The following DAB1 variants were observed in gnomAD, a reference collection of about 807,000 sequenced individuals.
The protein encoded by DAB1 is disabled homolog 1.
In DAB1, 15 loss-of-function variants were observed where a neutral mutation model predicts 64.6. The ratio of observed to expected loss-of-function variants is 0.23; its 90% CI spans 0.16 to 0.36. The LOEUF is 0.36. DAB1 is among the 10% of genes least tolerant of loss of function. The pLI is 1.00. For synonymous variants in DAB1, 235 were observed against 251.9 expected, an observed-to-expected ratio of 0.93 and a Z score of 0.64; for missense variants, 596 against 706.7, an observed-to-expected ratio of 0.84 and a Z score of 1.78.
chr1:58,347,883 C>G (rs1039752915), intron 3 of DAB1, among the ~76,000 whole-genome samples: 1 of 152,160 alleles, frequency 6.6e-6, no homozygotes, highest in Non-Finnish European at 1.5e-5. Context: ...AACAGTCAGC[C>G]CCTCAAACCA....
At chr1:57,906,695 A>G (rs2102002119) in intron 5 of DAB1, among the ~76,000 whole-genome samples, 1 of 152,294 alleles carries the variant, frequency 6.6e-6, no homozygotes, top group East Asian at 1.9e-4. Flanking sequence ...CTAAGTGAAG[A>G]TGAGGGAAGA....
At chr1:57,243,349 C>A (rs532673340) in intron 2 of DAB1, among the ~76,000 whole-genome samples, 1 of 152,150 alleles carries the variant, frequency 6.6e-6, no homozygotes, top group Non-Finnish European at 1.5e-5. Context: ...GTTAATGGTG[C>A]ATCTCTCCCA....
At chr1:58,175,176 G>A (rs1656398888) in intron 4 of DAB1, among the ~76,000 whole-genome samples, 1 of 152,196 alleles carries the variant, frequency 6.6e-6, no homozygotes, top group Admixed American at 6.5e-5. Context: ...CACCACGAGG[G>A]TCTGCAGCTT....
chr1:57,042,029 C>T (rs567200151), intron 9 of DAB1, among the ~76,000 whole-genome samples: 18 of 152,290 alleles, frequency 1.2e-4, no homozygotes, highest in African/African-American at 4.3e-4. Flanking sequence ...AGGAGACCAT[C>T]ATAAGTCAGA....
chr1:58,360,276 A>AG (rs774090789), intron 3 of DAB1, among the ~76,000 whole-genome samples: 2 of 152,188 alleles, frequency 1.3e-5, no homozygotes, highest in Non-Finnish European at 2.9e-5. Context: ...GCCATGTTGA[A>AG]GTTTTATAGG....
At chr1:57,482,440 T>TA (rs1644033527) in intron 7 of DAB1, among the ~76,000 whole-genome samples, 1 of 59,148 alleles carries the variant, frequency 1.7e-5, no homozygotes, top group African/African-American at 6.6e-5. Context: ...AAGAAACAGC[T>TA]AAAAATAATT....
intron 2 of DAB1, among the ~76,000 whole-genome samples, chr1:57,227,348 G>A (rs1234894342): frequency 6.6e-6 from 1 of 152,134 alleles, no homozygotes; most frequent in Non-Finnish European, 1.5e-5. Context: ...CAGCAATGAA[G>A]ACTAAAGACT....
intron 4 of DAB1, among the ~76,000 whole-genome samples, chr1:58,249,260 C>A (rs1027317704): frequency 1.3e-5 from 2 of 151,960 alleles, no homozygotes; most frequent in Admixed American, 6.6e-5. Flanking sequence ...TCTTTTTAAT[C>A]TTAAATTCCC....
chr1:57,463,898 C>A (rs1044989675), intron 7 of DAB1, among the ~76,000 whole-genome samples: 1 of 152,120 alleles, frequency 6.6e-6, no homozygotes, highest in Non-Finnish European at 1.5e-5. Flanking sequence ...AAGTCGTACA[C>A]AAACCTATCA....
intron 1 of DAB1, among the ~76,000 whole-genome samples, chr1:57,323,940 G>A (rs1675940661): frequency 6.6e-6 from 1 of 151,984 alleles, no homozygotes; most frequent in South Asian, 2.1e-4. Context: ...AGGTGAGTGG[G>A]ATTTCTCTCT....
intron 2 of DAB1, among the ~76,000 whole-genome samples, chr1:57,147,509 A>G (rs113717957): frequency 3.3e-5 from 5 of 152,300 alleles, no homozygotes; most frequent in African/African-American, 1.2e-4. Flanking sequence ...CACAAAGCAA[A>G]TATAACACAG....
At chr1:57,718,337 A>G (rs1360773360) in intron 6 of DAB1, among the ~76,000 whole-genome samples, 1 of 152,188 alleles carries the variant, frequency 6.6e-6, no homozygotes, top group African/African-American at 2.4e-5. Flanking sequence ...GAAATAGTCT[A>G]GGATGGTGGT....
At chr1:58,276,752 TTATC>T (rs1661454864) in intron 4 of DAB1, among the ~76,000 whole-genome samples, 1 of 152,182 alleles carries the variant, frequency 6.6e-6, no homozygotes, top group Non-Finnish European at 1.5e-5. Context: ...AGTGCATAAA[TTATC>T]TAAGTCTTAT....
rs117304903 is a variant in DAB1, at chr1:57,261,563, T to C, written c.67+29401A>G. Among the ~76,000 whole-genome samples, 21 of 152,302 alleles carry C rather than the reference T, an allele frequency of 1.4e-4. No individual in the cohort carries two copies. In the East Asian group the frequency reaches 2.7e-3, roughly 20 times the overall value. ...CCAACCAGCTAGAATTGATAATACA[T>C]GTTGGTCTTAGCATGAACCAGACCT... On this transcript the variant is annotated intron_variant, in intron 2 of 14. Coordinates refer to ENST00000371236, the MANE Select transcript of DAB1 (RefSeq NM_001365792.1).
chr1:57,116,479 A>AAAAG (rs1656137985), intron 4 of DAB1, among the ~76,000 whole-genome samples: 1 of 148,386 alleles, frequency 6.7e-6, no homozygotes, highest in Non-Finnish European at 1.5e-5. Flanking sequence ...AAAAAAAAAA[A>AAAAG]AAAAGAAAGA....
At chr1:57,788,280 T>C (rs1295492850) in intron 6 of DAB1, among the ~76,000 whole-genome samples, 2 of 152,182 alleles carry the variant, frequency 1.3e-5, no homozygotes, top group Admixed American at 6.5e-5. Context: ...CAAGTGTCTA[T>C]AGCCTGAGGA....
intron 4 of DAB1, among the ~76,000 whole-genome samples, chr1:58,284,331 G>T (rs990515848): frequency 3.9e-5 from 6 of 152,314 alleles, no homozygotes; most frequent in African/African-American, 1.4e-4. Flanking sequence ...TTTCCAGCCT[G>T]CCCTTGAATG....
rs188159932 is a variant in DAB1, at chr1:58,198,465, A to G, written n.310-47877T>C. 2.1e-3 allele frequency among the ~76,000 whole-genome samples: 323 copies of G among 152,274 alleles called. 4 individuals are homozygous for G. The highest frequency in any genetic ancestry group is 7.4e-3 in the African/African-American group (306 of 41,544). Reference sequence around the variant, plus strand: ...TGTCATCAAGATCATTAGTTGTATGACTTTAGGCAAGTCCTTGAACCTCTC... The same window carrying G: ...TGTCATCAAGATCATTAGTTGTATGGCTTTAGGCAAGTCCTTGAACCTCTC... On this transcript the variant is annotated intron_variant and non_coding_transcript_variant, in intron 4 of 20. Coordinates refer to the DAB1 transcript ENST00000485760.
At chr1:57,986,740 A>G (rs1012694770) in intron 5 of DAB1, among the ~76,000 whole-genome samples, 1 of 152,186 alleles carries the variant, frequency 6.6e-6, no homozygotes, top group Admixed American at 6.5e-5. Flanking sequence ...TCTTGAGACT[A>G]ACTCCAAAGC....
Sources: gnomAD v4.1 joint callset for allele counts (sites outside exome capture counted in the v4.1 genomes callset) on GRCh38, gnomAD v4.1.1 for gene constraint, MANE v1.5 for transcripts, NCBI Gene and HGNC (gene_info 2026-07-23, HGNC 2026-07-21) for gene names.